C14orf39: variants seen among roughly 807,000 people sequenced by gnomAD.
The protein encoded by C14orf39 is protein SIX6OS1.
Under a neutral mutation model 85.6 loss-of-function variants are expected in C14orf39, and 66 were observed. That is an observed-to-expected ratio of 0.77 (90% confidence interval 0.63 to 0.95). The LOEUF is 0.95. Ranked by LOEUF, C14orf39 falls within the 40% of genes least tolerant of loss-of-function variation. C14orf39 has a pLI of 0.00. For missense variants in C14orf39, 735 were observed against 663.9 expected (o/e 1.11, Z -1.18); for synonymous variants, 242 against 214.0 (o/e 1.13, Z -1.14).
chr14:60,501,520 G>A (rs1038133496), intron 1 of C14orf39, among the ~76,000 whole-genome samples: 6 of 152,096 alleles, frequency 3.9e-5, no homozygotes, highest in Admixed American at 2.0e-4. Context: ...AGAGGATATC[G>A]CCCTGTCAAC....
chr14:60,496,655 G>A (rs1014955954), intron 2 of C14orf39: 3 of 153,974 alleles, frequency 1.9e-5, no homozygotes, highest in African/African-American at 7.2e-5. Flanking sequence ...AAAGAACTTT[G>A]CACAGCATCT....
At chr14:60,475,511 A>C (rs1892328264) in intron 5 of C14orf39, among the ~76,000 whole-genome samples, 1 of 152,162 alleles carries the variant, frequency 6.6e-6, no homozygotes, top group African/African-American at 2.4e-5. Context: ...TTATTGAAAA[A>C]ATCAAAAGAA....
At chr14:60,459,159 T>C (rs1030924578) in intron 13 of C14orf39, among the ~76,000 whole-genome samples, 5 of 151,800 alleles carry the variant, frequency 3.3e-5, no homozygotes, top group African/African-American at 1.2e-4. Context: ...GCTCTTATGT[T>C]TTGGTTTTTG....
chr14:60,464,524 T>C (rs1430073059), intron 11 of C14orf39, among the ~76,000 whole-genome samples: 1 of 152,156 alleles, frequency 6.6e-6, no homozygotes, highest in African/African-American at 2.4e-5. Context: ...AACTCTGCTT[T>C]ACATATTTTG....
At chr14:60,461,243 G>A in intron 13 of C14orf39, 111 bp downstream of exon 13, 1 of 804,334 alleles carries the variant, frequency 1.2e-6, no homozygotes, top group Non-Finnish European at 2.0e-6. Flanking sequence ...AGGCGTGCAT[G>A]GTCAGTTAAC....
intron 1 of C14orf39, among the ~76,000 whole-genome samples, chr14:60,504,795 TC>T (rs1277842857): frequency 5.9e-5 from 9 of 152,230 alleles, no homozygotes; most frequent in Non-Finnish European, 1.3e-4. Context: ...TAATTTGTCA[TC>T]TACTCTTTGG....
Position 60,499,449 on chromosome 14 carries a change from T to A in C14orf39, c.-143-19A>T, listed in dbSNP as rs547558703. 10 of 152,250 alleles carry A rather than the reference T, an allele frequency of 6.6e-5. No individual in the cohort carries two copies. The East Asian group carries it at 1.9e-3, about 29-fold the overall frequency. The allele number at this position is 152,250 out of a possible 1,614,324, so 9.4% of individuals were successfully genotyped here. A position where few individuals can be genotyped will look rare whatever the true frequency, so the allele number is the denominator to read the frequency against. On this transcript the variant is annotated intron_variant, in intron 1 of 5. Coordinates refer to the C14orf39 transcript ENST00000556799. The stretch of plus-strand genomic sequence containing the variant: ...TTCAAATCTGTGGAAAAAGAATAGA[T>A]CAATCAATAAATAATTGTGGTAGAA...
intron 16 of C14orf39, among the ~76,000 whole-genome samples, chr14:60,449,063 C>T (rs1016792581): frequency 2.0e-5 from 3 of 152,058 alleles, no homozygotes; most frequent in African/African-American, 4.8e-5. Context: ...GGAGGGATAG[C>T]ATTAGGAGAA....
chr14:60,506,561 T>A (rs1893206293), intron 1 of C14orf39, among the ~76,000 whole-genome samples: 1 of 152,200 alleles, frequency 6.6e-6, no homozygotes, highest in Admixed American at 6.5e-5. Context: ...GTGAAGCTGG[T>A]GAACAAATAA....
At chr14:60,477,487 C>T (rs1384428325) in intron 5 of C14orf39, among the ~76,000 whole-genome samples, 1 of 152,110 alleles carries the variant, frequency 6.6e-6, no homozygotes, top group East Asian at 1.9e-4. Flanking sequence ...TGTCTTGTTT[C>T]ATTACATTCA....
chr14:60,508,927 G>GA, intron 1 of C14orf39: 1 of 194,030 alleles, frequency 5.2e-6, no homozygotes, highest in Non-Finnish European at 1.0e-5. Context: ...GAACGCTGCC[G>GA]CACTCGCCTC....
chr14:60,437,131 C>G (rs1186069249), intron 17 of C14orf39, 84 bp from the exon 18 acceptor site: 4 of 852,822 alleles, frequency 4.7e-6, no homozygotes, highest in Non-Finnish European at 7.4e-6. Context: ...ATACTGCATA[C>G]AATAAATATG....
intron 2 of C14orf39, chr14:60,494,256 G>T (rs1893034480): frequency 5.5e-6 from 1 of 182,268 alleles, no homozygotes; most frequent in South Asian, 1.2e-4. Context: ...TCCATGGCAT[G>T]TCTAGTTATT....
At chr14:60,471,352 A>AC (rs1417703178) in intron 7 of C14orf39, 65 bp downstream of exon 7, 1 of 1,202,790 alleles carries the variant, frequency 8.3e-7, no homozygotes, top group African/African-American at 1.6e-5. Context: ...AAACACAGTA[A>AC]CAATTAAAAT....
At chr14:60,507,390 G>A (rs1207071098) in intron 1 of C14orf39, among the ~76,000 whole-genome samples, 3 of 152,118 alleles carry the variant, frequency 2.0e-5, no homozygotes, top group Non-Finnish European at 4.4e-5. Flanking sequence ...TGTCCTTCCG[G>A]CTGATTCGGA....
At chr14:60,481,876 A>G (rs1200573089) in intron 4 of C14orf39, among the ~76,000 whole-genome samples, 1 of 151,788 alleles carries the variant, frequency 6.6e-6, no homozygotes, top group Non-Finnish European at 1.5e-5. Context: ...CACTTTTCCT[A>G]GCTTATCCTT....
intron 2 of C14orf39, chr14:60,495,301 C>A (rs955707135): frequency 4.5e-6 from 1 of 220,368 alleles, no homozygotes; most frequent in Non-Finnish European, 9.6e-6. Flanking sequence ...CTCATGGATT[C>A]CACTCCGTTG....
chr14:60,472,005 C>T (rs931241297), intron 5 of C14orf39, among the ~76,000 whole-genome samples: 1 of 151,898 alleles, frequency 6.6e-6, no homozygotes, highest in Non-Finnish European at 1.5e-5. Flanking sequence ...CTATTCTTCC[C>T]AAGGTCACCA....
chr14:60,489,836 G>T (rs551678497), upstream of C14orf39, among the ~76,000 whole-genome samples: 6 of 152,268 alleles, frequency 3.9e-5, no homozygotes, highest in African/African-American at 1.2e-4. Flanking sequence ...TTCTCTCACA[G>T]CCAACCTGAT....
Sources: allele counts gnomAD v4.1 joint callset (sites outside exome capture counted in the v4.1 genomes callset), GRCh38; gene constraint gnomAD v4.1.1; transcripts MANE v1.5; gene names NCBI Gene and HGNC (gene_info 2026-07-23, HGNC 2026-07-21).